Variants in NCOR1 observed in about 807,000 individuals in gnomAD.
NCOR1 encodes nuclear receptor corepressor 1.
NCOR1 carries 63 observed loss-of-function variants against 288.1 expected under a neutral mutation model. The ratio of observed to expected loss-of-function variants is 0.22; its 90% CI spans 0.18 to 0.27. The LOEUF is 0.27. Among genes scored for constraint, NCOR1 ranks in the 10% least tolerant of loss-of-function variants. The probability of loss-of-function intolerance (pLI) is 1.00; values close to 1 mark genes in which losing one functional copy is unlikely to be tolerated. For synonymous variants in NCOR1, 1,007 were observed against 1,065.9 expected, an observed-to-expected ratio of 0.94 and a Z score of 1.08; for missense variants, 2,397 against 3,019.2, an observed-to-expected ratio of 0.79 and a Z score of 4.83.
rs867843945 is a variant in NCOR1, at chr17:16,082,545, G to A, written c.3178-1818C>T. Among the ~76,000 whole-genome samples the A allele has an allele frequency of 1.4e-4, 22 of 151,980 alleles. No homozygotes were observed. The Middle Eastern group carries it at 0.017, about 117-fold the overall frequency. ...AGCCTTAACAAGATATTAAGACTCT[G>A]TCTCTATAAAAAATAAAAAAAAAAT... is the stretch of plus-strand genomic sequence containing the variant. On this transcript the variant is annotated intron_variant, in intron 23 of 45. Transcript: ENST00000268712.
At chr17:16,166,263 C>A (rs1473729914) in intron 4 of NCOR1, among the ~76,000 whole-genome samples, 1 of 152,224 alleles carries the variant, frequency 6.6e-6, no homozygotes, top group East Asian at 1.9e-4. Context: ...GCTCCAGTAT[C>A]CTTTGCATCT....
intron 4 of NCOR1, 73 bp downstream of exon 4, chr17:16,171,730 G>A (rs2083176888): frequency 7.8e-7 from 1 of 1,282,174 alleles, no homozygotes; most frequent in Non-Finnish European, 1.0e-6. Context: ...TTTCTTTGAG[G>A]TGCTATGCAT....
chr17:16,062,674 A>G (rs956979461), intron 35 of NCOR1, among the ~76,000 whole-genome samples: 2 of 152,240 alleles, frequency 1.3e-5, no homozygotes, highest in African/African-American at 4.8e-5. Context: ...TCTAAGCATC[A>G]TAATGAAAAT....
At chr17:16,092,677 ATATATATATATATATATATT>A (rs2065499358) in intron 21 of NCOR1, among the ~76,000 whole-genome samples, 3 of 17,744 alleles carry the variant, frequency 1.7e-4, no homozygotes, top group African/African-American at 3.1e-4. Context: ...ATATATATAT[ATATATATATATATATATATT>A]TTTTTTTTTT....
At chr17:16,180,351 T>C (rs1436684255) in intron 3 of NCOR1, among the ~76,000 whole-genome samples, 4 of 152,156 alleles carry the variant, frequency 2.6e-5, no homozygotes, top group Admixed American at 2.6e-4. Flanking sequence ...ATAGCCATTA[T>C]AGAAAACAGT....
Position 16,057,608 on chromosome 17 carries a change from G to C in NCOR1, c.6298C>G (p.Arg2100Gly), listed in dbSNP as rs372647037. The change falls in exon 40 of 46, where the codon CGT becomes GGT. Residue 2100 changes from arginine to glycine, a missense_variant. This residue lies in a region of NCOR1 where 1,872 missense variants were observed against 2,187.8 expected (regional missense o/e 0.86). Coordinates refer to ENST00000268712, the MANE Select transcript of NCOR1 (RefSeq NM_006311.4). ...STPVRTKTSN[R>G]YSPESQAQSV... ...TGAGCCTGGGATTCTGGGCTGTAAC[G>C]GTTTGATGTTTTAGTCCTCACAGGT... 8.7e-6 allele frequency: 14 copies of C among 1,614,080 alleles called. No homozygotes were observed. The highest frequency in any genetic ancestry group is 1.3e-5 in the African/African-American group (1 of 75,020).
At chr17:16,127,030 ACT>A (rs1361975681) in intron 14 of NCOR1, among the ~76,000 whole-genome samples, 9 of 151,832 alleles carry the variant, frequency 5.9e-5, no homozygotes, top group African/African-American at 1.9e-4. Flanking sequence ...TATTGCTATA[ACT>A]CTATTTTATT....
intron 1 of NCOR1, among the ~76,000 whole-genome samples, chr17:16,211,905 GAAAC>G (rs1568722225): frequency 6.6e-6 from 1 of 152,082 alleles, no homozygotes; most frequent in African/African-American, 2.4e-5. Flanking sequence ...AATAGAAAAA[GAAAC>G]AAAATGTTTT....
chr17:16,161,364 A>G (rs1214285425), intron 5 of NCOR1, among the ~76,000 whole-genome samples: 1 of 151,974 alleles, frequency 6.6e-6, no homozygotes, highest in Non-Finnish European at 1.5e-5. Context: ...ATCTCAGCTC[A>G]CTGCAACCTC....
At chr17:16,215,336 G>A (rs1363529638) in intron 1 of NCOR1, 26 bp downstream of exon 1, 3 of 392,260 alleles carry the variant, frequency 7.6e-6, no homozygotes, top group Non-Finnish European at 1.3e-5. Flanking sequence ...CGGAGGCCGG[G>A]GTTGCAGGCG....
At chr17:16,044,587 G>A (rs376496381) in intron 42 of NCOR1, 14 of 543,514 alleles carry the variant, frequency 2.6e-5, no homozygotes, top group Middle Eastern at 3.0e-4. Context: ...CTACCACCAC[G>A]TCCGGCAGCG....
intron 21 of NCOR1, among the ~76,000 whole-genome samples, chr17:16,093,568 A>G (rs182943607): frequency 6.6e-6 from 1 of 152,360 alleles, no homozygotes; most frequent in East Asian, 1.9e-4. Flanking sequence ...CTCATGAATA[A>G]CAAATATCCC....
At position 16,058,038 on chromosome 17, in the gene NCOR1, G is replaced by C; in HGVS notation, c.6037C>G (p.Pro2013Ala). The C allele has an allele frequency of 6.2e-7, 1 of 1,614,116 alleles. No individual in the cohort carries two copies. The highest frequency in any genetic ancestry group is 8.5e-7 in the Non-Finnish European group (1 of 1,180,018). Residue 2013 changes from proline to alanine, a missense_variant, in exon 39 of 46, where the codon CCA becomes GCA. By Grantham distance (27) the Pro-to-Ala change is conservative. This residue lies in a region of NCOR1 where 1,872 missense variants were observed against 2,187.8 expected (regional missense o/e 0.86). Transcript: ENST00000268712. Reference protein sequence around the residue: ...ENDPTRQYEGPLHHYRPQQES... With the variant: ...ENDPTRQYEGALHHYRPQQES... ...TGCTGTGGTCGATAGTGATGTAATG[G>C]TCCTTCATATTGTCTGGTAGGATCA...
intron 3 of NCOR1, among the ~76,000 whole-genome samples, chr17:16,185,748 T>A (rs1232411623): frequency 6.9e-6 from 1 of 144,540 alleles, no homozygotes; most frequent in Non-Finnish European, 1.5e-5. Flanking sequence ...GGTGGATCAC[T>A]TGAGCTCAGG....
chr17:16,211,202 CAA>C (rs954070409), intron 1 of NCOR1, among the ~76,000 whole-genome samples: 1 of 152,100 alleles, frequency 6.6e-6, no homozygotes, highest in Non-Finnish European at 1.5e-5. Context: ...GAAAGTAAAA[CAA>C]GACTAGATAA....
chr17:16,193,822 G>T (rs178812), intron 2 of NCOR1, among the ~76,000 whole-genome samples: 77,730 of 151,532 alleles, frequency 0.51, 20,518 homozygotes, highest in Middle Eastern at 0.58. Flanking sequence ...GAGTCCTCAG[G>T]AGGACCCTGT....
chr17:16,070,298 C>A lies in NCOR1; in HGVS notation c.4380G>T (p.Arg1460Ser). ...SVVSSGPSVL[R>S]STLHEAPKAQ... ...CTTTGGGAGCTTCATGCAGTGTGGA[C>A]CTAAGAACGGAGGGGCCAGAGCTTA... The change falls in exon 31 of 46, where the codon AGG becomes AGT. Residue 1460 changes from arginine to serine, a missense_variant. Physicochemically the swap from Arg to Ser is moderately radical, Grantham distance 110. Transcript: ENST00000268712. 1 of 1,614,016 alleles carries A rather than the reference C, an allele frequency of 6.2e-7. No individual in the cohort carries two copies. Among genetic ancestry groups the A allele is most frequent in the Non-Finnish European group, 8.5e-7 (1 of 1,180,022 alleles).
intron 14 of NCOR1, among the ~76,000 whole-genome samples, chr17:16,135,092 G>A (rs1385186741): frequency 4.0e-5 from 6 of 148,676 alleles, no homozygotes; most frequent in Non-Finnish European, 4.4e-5. Context: ...CCGGGAGGTG[G>A]AGCTTGCAGT....
chr17:16,110,440 T>C (rs1011987048), intron 18 of NCOR1, among the ~76,000 whole-genome samples: 4 of 152,250 alleles, frequency 2.6e-5, no homozygotes, highest in East Asian at 1.9e-4. Flanking sequence ...AGTATGTTTA[T>C]GCAAAATTGC....
Sources: gnomAD v4.1 joint callset for allele counts (sites outside exome capture counted in the v4.1 genomes callset) on GRCh38, gnomAD v4.1.1 for gene constraint, gnomAD v4.1.1 regional missense constraint, MANE v1.5 for transcripts, NCBI Gene and HGNC (gene_info 2026-07-23, HGNC 2026-07-21) for gene names.